Variants in PRKAR2B observed in about 807,000 individuals in gnomAD.
The protein encoded by PRKAR2B is protein kinase cAMP-dependent type II regulatory subunit beta.
A neutral mutation model predicts 49.9 loss-of-function variants in PRKAR2B; 14 were observed. The observed-to-expected ratio is 0.28, with a 90% CI of 0.19 to 0.44. PRKAR2B has a LOEUF of 0.44. Ranked by LOEUF, PRKAR2B falls within the 20% of genes least tolerant of loss-of-function variation. The probability of loss-of-function intolerance (pLI) is 1.00; values close to 1 mark genes in which losing one functional copy is unlikely to be tolerated. For missense variants in PRKAR2B, 393 were observed against 537.9 expected, an observed-to-expected ratio of 0.73 and a Z score of 2.67; for synonymous variants, 196 against 197.7, an observed-to-expected ratio of 0.99 and a Z score of 0.07.
At chr7:107,054,938 A>G (rs1793880876) in intron 1 of PRKAR2B, among the ~76,000 whole-genome samples, 1 of 152,112 alleles carries the variant, frequency 6.6e-6, no homozygotes. Flanking sequence ...CATTAGGTAT[A>G]TCTCCTAATG....
chr7:107,153,074 C>A (rs1796018105), intron 7 of PRKAR2B, 103 bp from the exon 8 acceptor site: 1 of 646,428 alleles, frequency 1.5e-6, no homozygotes, highest in Non-Finnish European at 2.6e-6. Context: ...CTACACACTG[C>A]TCGATTTATT....
chr7:107,155,385 C>A (rs528235881), intron 8 of PRKAR2B, among the ~76,000 whole-genome samples: 23 of 152,248 alleles, frequency 1.5e-4, no homozygotes, highest in Admixed American at 5.2e-4. Flanking sequence ...GAAACCCCAT[C>A]TCTAATAAAA....
intron 2 of PRKAR2B, among the ~76,000 whole-genome samples, chr7:107,073,604 T>C (rs1794329198): frequency 6.6e-6 from 1 of 152,196 alleles, no homozygotes; most frequent in African/African-American, 2.4e-5. Flanking sequence ...AGATGTCTTC[T>C]GAAATCCAGA....
At chr7:107,144,942 A>G (rs1003209039) in intron 5 of PRKAR2B, among the ~76,000 whole-genome samples, 2 of 152,098 alleles carry the variant, frequency 1.3e-5, no homozygotes, top group African/African-American at 4.8e-5. Flanking sequence ...CAGTATGCGG[A>G]AAGTCAGTCA....
Position 107,045,056 on chromosome 7 carries a change from G to A in PRKAR2B, c.149G>A (p.Arg50His). 1 of 1,544,722 alleles carries A rather than the reference G, an allele frequency of 6.5e-7. No homozygotes were observed. The highest frequency in any genetic ancestry group is 8.7e-7 in the Non-Finnish European group (1 of 1,148,962). The change falls in exon 1 of 11, where the codon CGC (arginine) becomes CAC (histidine). Residue 50 changes from arginine to histidine, a missense_variant. Coordinates refer to ENST00000265717, the MANE Select transcript of PRKAR2B (RefSeq NM_002736.3). ...GAGAACGAGCGCAAAGGCACCGCGCGCTTCGGCCATGAGGGCAGGACCTGG... is the reference window on the plus strand; with the variant it reads ...GAGAACGAGCGCAAAGGCACCGCGCACTTCGGCCATGAGGGCAGGACCTGG... ...QQENERKGTA[R>H]FGHEGRTWGD...
At chr7:107,070,248 A>C (rs1441532632) in intron 1 of PRKAR2B, 33 bp from the exon 2 acceptor site, 4 of 1,566,918 alleles carry the variant, frequency 2.6e-6, no homozygotes, top group Non-Finnish European at 2.6e-6. Context: ...TTAGACTTTT[A>C]ATCTAATCAT....
chr7:107,074,081 ATAAAG>A (rs1264361862), intron 2 of PRKAR2B, among the ~76,000 whole-genome samples: 1 of 151,932 alleles, frequency 6.6e-6, no homozygotes, highest in Non-Finnish European at 1.5e-5. Flanking sequence ...ATAAAATAAA[ATAAAG>A]TAACAGAGAA....
At chr7:107,083,139 G>A (rs1183413248) in intron 2 of PRKAR2B, among the ~76,000 whole-genome samples, 1 of 151,762 alleles carries the variant, frequency 6.6e-6, no homozygotes, top group Non-Finnish European at 1.5e-5. Context: ...AGCAATTTGG[G>A]AGGCTGAGGT....
At chr7:107,053,161 C>A (rs1584401145) in intron 1 of PRKAR2B, among the ~76,000 whole-genome samples, 1 of 152,198 alleles carries the variant, frequency 6.6e-6, no homozygotes, top group East Asian at 1.9e-4. Flanking sequence ...ATAATCACCT[C>A]ATGTACTGAG....
At chr7:107,090,358 C>G (rs1794713848) in intron 2 of PRKAR2B, among the ~76,000 whole-genome samples, 1 of 152,148 alleles carries the variant, frequency 6.6e-6, no homozygotes, top group Admixed American at 6.5e-5. Context: ...CCTGACATCC[C>G]CTCTCATTCA....
chr7:107,102,047 G>A (rs1794978533), intron 2 of PRKAR2B, among the ~76,000 whole-genome samples: 1 of 151,808 alleles, frequency 6.6e-6, no homozygotes, highest in African/African-American at 2.4e-5. Context: ...ATCAGAACAC[G>A]ATACAAAAAA....
intron 2 of PRKAR2B, among the ~76,000 whole-genome samples, chr7:107,091,356 T>C (rs1018567739): frequency 6.6e-6 from 1 of 152,218 alleles, no homozygotes; most frequent in Non-Finnish European, 1.5e-5. Flanking sequence ...AAGGTATAGC[T>C]TGTGCTTGAG....
intron 2 of PRKAR2B, among the ~76,000 whole-genome samples, chr7:107,120,005 G>A (rs1164046497): frequency 1.3e-5 from 2 of 152,146 alleles, no homozygotes. Flanking sequence ...CACAATCCTG[G>A]ATAAAACGTG....
At chr7:107,065,338 G>A (rs199617995) in intron 1 of PRKAR2B, among the ~76,000 whole-genome samples, 40,975 of 105,514 alleles carry the variant, frequency 0.39, 6,093 homozygotes, top group Middle Eastern at 0.53. Context: ...GTGTGTGTGT[G>A]TGTGTGTGTG....
intron 1 of PRKAR2B, among the ~76,000 whole-genome samples, chr7:107,065,006 C>T (rs955361807): frequency 1.3e-5 from 2 of 152,146 alleles, no homozygotes; most frequent in Admixed American, 6.5e-5. Context: ...TTTTGAAGCA[C>T]AGGCATAAGA....
At chr7:107,086,343 A>G (rs1325754238) in intron 2 of PRKAR2B, among the ~76,000 whole-genome samples, 1 of 152,172 alleles carries the variant, frequency 6.6e-6, no homozygotes, top group Non-Finnish European at 1.5e-5. Context: ...CCCAGCTCAT[A>G]AGGTATGGTT....
At chr7:107,100,660 G>C (rs374173219) in intron 2 of PRKAR2B, among the ~76,000 whole-genome samples, 39 of 151,996 alleles carry the variant, frequency 2.6e-4, no homozygotes, top group African/African-American at 8.0e-4. Context: ...AGATATCTAC[G>C]ACTGTCTATT....
chr7:107,153,927 CTTA>C (rs1261102711), intron 8 of PRKAR2B, among the ~76,000 whole-genome samples: 2 of 152,152 alleles, frequency 1.3e-5, no homozygotes, highest in Non-Finnish European at 2.9e-5. Flanking sequence ...GTATCACAGC[CTTA>C]TACTGTTTTG....
At chr7:107,079,645 T>C (rs2116786692) in intron 2 of PRKAR2B, 1 of 152,334 alleles carries the variant, frequency 6.6e-6, no homozygotes, top group Admixed American at 6.5e-5. Flanking sequence ...TAGGCCTTGC[T>C]ATAGCTCACC....
Sources: gnomAD v4.1 joint callset for allele counts (sites outside exome capture counted in the v4.1 genomes callset) on GRCh38, gnomAD v4.1.1 for gene constraint, MANE v1.5 for transcripts, NCBI Gene and HGNC (gene_info 2026-07-23, HGNC 2026-07-21) for gene names.